Variants in C13orf42 observed in about 807,000 individuals in gnomAD.
C13orf42 encodes uncharacterized protein C13orf42.
upstream of C13orf42, among the ~76,000 whole-genome samples, chr13:51,114,218 G>A (rs1311973553): frequency 6.6e-6 from 1 of 152,156 alleles, no homozygotes; most frequent in Non-Finnish European, 1.5e-5. Context: ...ATGAGAGTAT[G>A]GGCCTTACTC....
upstream of C13orf42, among the ~76,000 whole-genome samples, chr13:51,114,443 T>C (rs1348128074): frequency 6.6e-6 from 1 of 152,196 alleles, no homozygotes; most frequent in Non-Finnish European, 1.5e-5. Context: ...TCTATCTCTG[T>C]GTATTTGACT....
intron 1 of C13orf42, among the ~76,000 whole-genome samples, chr13:51,102,849 G>T (rs1453555770): frequency 6.6e-6 from 1 of 152,194 alleles, no homozygotes; most frequent in African/African-American, 2.4e-5. Flanking sequence ...TGAAGGAGAA[G>T]CAAGTACCTT....
rs551569951 is a variant in C13orf42, at chr13:51,148,890, C to T, written n.136+23363G>A. ...CACCTCAAAGGCTCCCAGGACTCCA[C>T]GGCTCAGGCTCCCTCTTGCAGGCAG... On this transcript the variant is annotated intron_variant and non_coding_transcript_variant, in intron 1 of 4. Coordinates refer to the C13orf42 transcript ENST00000433280. Among the ~76,000 whole-genome samples, 40 of 152,356 alleles carry T rather than the reference C, an allele frequency of 2.6e-4. 1 individual carries two copies. Among genetic ancestry groups the T allele is most frequent in the African/African-American group, 8.4e-4 (35 of 41,584 alleles).
chr13:51,110,544 A>T (rs958293714), intron 1 of C13orf42, among the ~76,000 whole-genome samples: 5 of 152,214 alleles, frequency 3.3e-5, no homozygotes, highest in African/African-American at 1.2e-4. Flanking sequence ...GTTTACCTAT[A>T]TAACAAACCT....
intron 1 of C13orf42, among the ~76,000 whole-genome samples, chr13:51,095,312 C>CTGT (rs35621448): frequency 0.52 from 78,411 of 151,476 alleles, 21,406 homozygotes; most frequent in African/African-American, 0.69. Flanking sequence ...ACTGTTGTTG[C>CTGT]TGTTGTTGTT....
At chr13:51,161,528 AT>A (rs1329028398) in intron 1 of C13orf42, among the ~76,000 whole-genome samples, 1 of 152,080 alleles carries the variant, frequency 6.6e-6, no homozygotes, top group African/African-American at 2.4e-5. Flanking sequence ...CGAGGCCAAT[AT>A]TCCCTTGCCT....
intron 1 of C13orf42, among the ~76,000 whole-genome samples, chr13:51,107,639 T>C (rs540066194): frequency 2.6e-4 from 39 of 152,334 alleles, no homozygotes; most frequent in African/African-American, 8.7e-4. Flanking sequence ...CCTCCCTATA[T>C]GGAGGCCGGC....
chr13:51,119,845 G>T (rs892097732), intron 1 of C13orf42, among the ~76,000 whole-genome samples: 8 of 152,096 alleles, frequency 5.3e-5, no homozygotes, highest in Admixed American at 1.3e-4. Flanking sequence ...GCTGCACAGT[G>T]TGAATGTACT....
chr13:51,100,630 C>T (rs1790686843), intron 1 of C13orf42, among the ~76,000 whole-genome samples: 1 of 152,108 alleles, frequency 6.6e-6, no homozygotes, highest in South Asian at 2.1e-4. Context: ...TGCAATTTAT[C>T]TATCAAATTG....
At chr13:51,145,041 C>G (rs1334335050) in intron 1 of C13orf42, among the ~76,000 whole-genome samples, 1 of 152,112 alleles carries the variant, frequency 6.6e-6, no homozygotes, top group Non-Finnish European at 1.5e-5. Flanking sequence ...CTAGTCTTGC[C>G]TAATGTTTTT....
chr13:51,146,594 T>C (rs1056433183), intron 1 of C13orf42, among the ~76,000 whole-genome samples: 1 of 152,166 alleles, frequency 6.6e-6, no homozygotes, highest in Non-Finnish European at 1.5e-5. Flanking sequence ...AAGATGAGCA[T>C]TGGTTTGATC....
intron 1 of C13orf42, among the ~76,000 whole-genome samples, chr13:51,163,456 C>T (rs1045298335): frequency 2.6e-5 from 4 of 152,068 alleles, no homozygotes; most frequent in African/African-American, 7.2e-5. Context: ...AAAGGAGACC[C>T]AGGGTGTTTT....
upstream of C13orf42, among the ~76,000 whole-genome samples, chr13:51,114,958 C>A (rs927586590): frequency 7.2e-5 from 11 of 152,056 alleles, no homozygotes; most frequent in Non-Finnish European, 1.0e-4. Context: ...ACTGTAGTAA[C>A]CATATCACTT....
At chr13:51,153,569 T>C (rs1953798387) in intron 1 of C13orf42, among the ~76,000 whole-genome samples, 1 of 151,476 alleles carries the variant, frequency 6.6e-6, no homozygotes, top group South Asian at 2.1e-4. Context: ...AGTGTACTGC[T>C]CAGTTGTGTT....
At chr13:51,152,226 C>G (rs771565588) in intron 1 of C13orf42, among the ~76,000 whole-genome samples, 2 of 152,256 alleles carry the variant, frequency 1.3e-5, no homozygotes, top group South Asian at 2.1e-4. Context: ...CACTCCAGCT[C>G]TGTGTCGTTT....
chr13:51,159,596 G>A lies in C13orf42; in HGVS notation n.136+12657C>T, dbSNP rs563042662. On this transcript the variant is annotated intron_variant and non_coding_transcript_variant, in intron 1 of 4. Coordinates refer to the C13orf42 transcript ENST00000433280. ...CCACTGTCATTGTTATTCCACTGCT[G>A]TGCTGAGATCTCAGGGTTATTGAAA... Among the ~76,000 whole-genome samples the A allele has an allele frequency of 1.1e-4, 17 of 152,298 alleles. No homozygotes were observed. The South Asian group carries it at 2.9e-3, about 26-fold the overall frequency.
intron 1 of C13orf42, among the ~76,000 whole-genome samples, chr13:51,121,488 A>G (rs2138014055): frequency 6.6e-6 from 1 of 151,426 alleles, no homozygotes; most frequent in South Asian, 2.1e-4. Context: ...TTGTGCATTC[A>G]CTTTGATTTG....
chr13:51,116,637 C>T (rs1255579160), intron 1 of C13orf42, among the ~76,000 whole-genome samples: 1 of 152,196 alleles, frequency 6.6e-6, no homozygotes, highest in Non-Finnish European at 1.5e-5. Context: ...ATTTAGGAAA[C>T]TTAAGTAGGA....
intron 1 of C13orf42, among the ~76,000 whole-genome samples, chr13:51,098,800 T>C (rs1304253652): frequency 6.6e-6 from 1 of 152,210 alleles, no homozygotes; most frequent in Non-Finnish European, 1.5e-5. Context: ...GCAAATATAT[T>C]GTCTTTATGT....
Sources: gnomAD v4.1 joint callset for allele counts (sites outside exome capture counted in the v4.1 genomes callset) on GRCh38, gnomAD v4.1.1 for gene constraint, MANE v1.5 for transcripts, NCBI Gene and HGNC (gene_info 2026-07-23, HGNC 2026-07-21) for gene names.